The following TTLL11 variants were observed in gnomAD, a reference collection of about 807,000 sequenced individuals.
TTLL11 encodes the protein tubulin tyrosine ligase like 11, also known as tubulin polyglutamylase TTLL11.
TTLL11 carries 42 observed loss-of-function variants against 51.7 expected under a neutral mutation model. That is an observed-to-expected ratio of 0.81 (90% CI 0.64 to 1.05). The LOEUF (loss-of-function observed/expected upper bound fraction) is 1.05. Ranked by LOEUF, TTLL11 falls within the 50% of genes least tolerant of loss-of-function variation. TTLL11 has a pLI of 0.00. For missense variants in TTLL11, 799 were observed against 940.4 expected (o/e 0.85, Z 1.97); for synonymous variants, 381 against 383.5 (o/e 0.99, Z 0.08).
At chr9:122,036,915 A>G (rs915916606) in intron 2 of TTLL11, among the ~76,000 whole-genome samples, 1 of 152,150 alleles carries the variant, frequency 6.6e-6, no homozygotes, top group Non-Finnish European at 1.5e-5. Flanking sequence ...TGTCATTAGA[A>G]CTAATTAATT....
Position 121,820,701 on chromosome 9 carries a change from G to C in TTLL11, c.*1886C>G, listed in dbSNP as rs545978757. Among the ~76,000 whole-genome samples the C allele has an allele frequency of 7.2e-5, 11 of 151,990 alleles. No homozygotes were observed. The highest frequency in any genetic ancestry group is 2.1e-4 in the South Asian group (1 of 4,802). ...CATTACAGACCTGCCCTACTACCTG[G>C]GGAACTGAGCCGATGACACCTCCAC... On this transcript the variant is annotated 3_prime_UTR_variant, in exon 9 of 9. Coordinates refer to ENST00000321582, the MANE Select transcript of TTLL11 (RefSeq NM_001139442.2).
At position 122,045,699 on chromosome 9, in the gene TTLL11, T is replaced by C. The variant is rs10985504; in HGVS notation, c.463-6331A>G. Among the ~76,000 whole-genome samples the C allele has an allele frequency of 3.4e-3, 516 of 152,302 alleles. 1 individual carries two copies. Among genetic ancestry groups the C allele is most frequent in the Admixed American group, 6.7e-3 (103 of 15,304 alleles). On this transcript the variant is annotated intron_variant, in intron 1 of 8. Transcript: ENST00000321582. ...AAATAAACACAATATGGTATATAAA[T>C]ACAATAGAAAATTATCCGGCCTTAT...
intron 4 of TTLL11, among the ~76,000 whole-genome samples, chr9:121,977,329 A>G (rs1422436902): frequency 6.6e-6 from 1 of 152,224 alleles, no homozygotes; most frequent in Non-Finnish European, 1.5e-5. Flanking sequence ...CTGAGCCTCA[A>G]TGATCTCATC....
intron 6 of TTLL11, among the ~76,000 whole-genome samples, chr9:121,959,255 A>G (rs1842132069): frequency 6.6e-6 from 1 of 151,994 alleles, no homozygotes; most frequent in African/African-American, 2.4e-5. Context: ...TTGCCACCGA[A>G]ATCACTTGGT....
At chr9:122,088,196 C>G (rs1159316833) in intron 1 of TTLL11, among the ~76,000 whole-genome samples, 1 of 152,206 alleles carries the variant, frequency 6.6e-6, no homozygotes, top group Non-Finnish European at 1.5e-5. Flanking sequence ...TCTCCACTCC[C>G]CCATATGCTC....
intron 6 of TTLL11, among the ~76,000 whole-genome samples, chr9:121,923,265 G>T (rs532187195): frequency 6.6e-6 from 1 of 152,162 alleles, no homozygotes; most frequent in African/African-American, 2.4e-5. Context: ...TGATTATGAG[G>T]ATTGCATAGC....
chr9:121,830,540 T>C (rs1475325127), intron 8 of TTLL11, among the ~76,000 whole-genome samples: 1 of 152,226 alleles, frequency 6.6e-6, no homozygotes, highest in Non-Finnish European at 1.5e-5. Context: ...TAAAAATGTC[T>C]ACATTTTAAA....
At chr9:121,978,980 C>T (rs923397120) in intron 4 of TTLL11, among the ~76,000 whole-genome samples, 2 of 152,126 alleles carry the variant, frequency 1.3e-5, no homozygotes, top group African/African-American at 4.8e-5. Flanking sequence ...CCCCCTCGCA[C>T]ACACTGGGGT....
At chr9:121,971,039 C>T (rs1248485096) in intron 6 of TTLL11, among the ~76,000 whole-genome samples, 8 of 144,338 alleles carry the variant, frequency 5.5e-5, no homozygotes, top group Non-Finnish European at 1.2e-4. Flanking sequence ...GCCCCCCGCC[C>T]GGTCAGCCGC....
chr9:122,092,629 C>T, intron 1 of TTLL11, 58 bp downstream of exon 1: 1 of 1,533,142 alleles, frequency 6.5e-7, no homozygotes, highest in Non-Finnish European at 8.7e-7. Context: ...GCCGAGACCT[C>T]TGAGGTCGTC....
At chr9:122,022,953 T>C (rs760448397) in intron 3 of TTLL11, among the ~76,000 whole-genome samples, 1 of 151,908 alleles carries the variant, frequency 6.6e-6, no homozygotes, top group Non-Finnish European at 1.5e-5. Flanking sequence ...AGGTAGATTG[T>C]GATAACTCAA....
chr9:121,870,682 A>G lies in TTLL11; in HGVS notation c.1548T>C (p.Ala516=). ...CTTCGGGGTTGGCGTTGCAGTCTGGAGCACTGGTCAGCTCGCCGTCCAAAG... is the reference window on the plus strand; with the variant it reads ...CTTCGGGGTTGGCGTTGCAGTCTGGGGCACTGGTCAGCTCGCCGTCCAAAG... ...EDALDGELTS[A]PDCNANPEAH... Residue 516 remains alanine, a synonymous_variant, in exon 7 of 9, where the codon GCT becomes GCC. Coordinates refer to ENST00000321582, the MANE Select transcript of TTLL11 (RefSeq NM_001139442.2). 6.4e-6 allele frequency: 10 copies of G among 1,551,744 alleles called. No homozygotes were observed. The highest frequency in any genetic ancestry group is 8.7e-6 in the Non-Finnish European group (10 of 1,146,990).
At chr9:122,092,546 C>A (rs1846289845) in intron 1 of TTLL11, 141 bp downstream of exon 1, 6 of 1,437,616 alleles carry the variant, frequency 4.2e-6, no homozygotes, top group Non-Finnish European at 5.5e-6. Context: ...GAGCACTTTG[C>A]GGCTGACAAG....
At chr9:121,877,588 G>C (rs1838615098) in intron 6 of TTLL11, among the ~76,000 whole-genome samples, 1 of 152,048 alleles carries the variant, frequency 6.6e-6, no homozygotes, top group Non-Finnish European at 1.5e-5. Flanking sequence ...CTTCCACCTG[G>C]CTTGATCACT....
chr9:121,982,909 C>G (rs1842857390), intron 4 of TTLL11, among the ~76,000 whole-genome samples: 1 of 151,882 alleles, frequency 6.6e-6, no homozygotes, highest in African/African-American at 2.4e-5. Flanking sequence ...TGAGAAGGAG[C>G]CAGGATTGTA....
chr9:121,985,713 G>C (rs1842925802), intron 4 of TTLL11, among the ~76,000 whole-genome samples: 1 of 151,724 alleles, frequency 6.6e-6, no homozygotes, highest in African/African-American at 2.4e-5. Flanking sequence ...GTAAAGATGG[G>C]GTTTCACCAT....
At chr9:121,952,594 C>T (rs1277883407) in intron 6 of TTLL11, among the ~76,000 whole-genome samples, 1 of 152,090 alleles carries the variant, frequency 6.6e-6, no homozygotes, top group African/African-American at 2.4e-5. Context: ...ATGAGAGGAA[C>T]ACCTTTGGCA....
chr9:121,981,986 C>T (rs1018510734), intron 4 of TTLL11, among the ~76,000 whole-genome samples: 2 of 152,292 alleles, frequency 1.3e-5, no homozygotes. Context: ...GCCTAGGACT[C>T]AGCAGAGACC....
intron 3 of TTLL11, among the ~76,000 whole-genome samples, chr9:122,025,405 G>A (rs1412042129): frequency 6.6e-6 from 1 of 152,224 alleles, no homozygotes; most frequent in Non-Finnish European, 1.5e-5. Context: ...GGCCGAGGCA[G>A]GTGGATCGCT....
Sources: gnomAD v4.1 joint callset for allele counts (sites outside exome capture counted in the v4.1 genomes callset) on GRCh38, gnomAD v4.1.1 for gene constraint, MANE v1.5 for transcripts, NCBI Gene and HGNC (gene_info 2026-07-23, HGNC 2026-07-21) for gene names.